The following NOD2 variants were observed in gnomAD, a reference collection of about 807,000 sequenced individuals.
NOD2 encodes nucleotide-binding oligomerization domain-containing protein 2.
In NOD2, 86 loss-of-function variants were observed where a neutral mutation model predicts 90.9. The observed-to-expected ratio is 0.95, with a 90% CI of 0.79 to 1.13. The LOEUF is 1.13. Ranked by LOEUF, NOD2 falls within the 50% of genes most tolerant of loss-of-function variation. The pLI is 0.00. For missense variants in NOD2, 1,238 were observed against 1,283.8 expected (o/e 0.96, Z 0.55); for synonymous variants, 581 against 554.6 (o/e 1.05, Z -0.67).
rs1283225496 is a variant in NOD2 at position 50,719,928 on chromosome 16, G to A, written c.2553G>A (p.Leu851=). 5 of 1,613,970 alleles carry A rather than the reference G, an allele frequency of 3.1e-6. No homozygotes were observed. The African/African-American group carries it at 4.0e-5, about 13-fold the overall frequency. The change falls in exon 7 of 12, where the codon CTG becomes CTA. Residue 851 remains leucine, a synonymous_variant. Transcript: ENST00000647318. ...ACRQNFLALR[L]GNNYITAAGA... is the part of the protein sequence containing the mutation. ...CCTCCTCTGTCTTCCCTTCCAGGCT[G>A]GGGAATAACTACATCACTGCCGCGG...
chr16:50,699,751 G>A lies in NOD2; in HGVS notation c.256G>A (p.Asp86Asn), dbSNP rs104895468. ...CGCGGCTGCCCAAGAAGCCCAGGCC[G>A]ACAGCCAGTCCCCCAAGCTGCATGG... ...LIAAAQEAQADSQSPKLHGCW... is the reference protein window; with the variant it reads ...LIAAAQEAQANSQSPKLHGCW... The change falls in exon 2 of 12, where the codon GAC (aspartate) becomes AAC (asparagine). Residue 86 changes from aspartate to asparagine, a missense_variant. By Grantham distance (23) the Asp-to-Asn change is conservative. This residue lies in a region of NOD2 where 567 missense variants were observed against 577.3 expected (regional missense o/e 0.98). Transcript: ENST00000647318. The A allele has an allele frequency of 1.1e-5, 18 of 1,613,822 alleles. No individual in the cohort carries two copies. Among genetic ancestry groups the A allele is most frequent in the African/African-American group, 8.0e-5 (6 of 74,932 alleles).
rs375201229 is a variant in NOD2, at chr16:50,711,226, C to T, written c.1234C>T (p.Arg412Cys). The T allele has an allele frequency of 5.5e-5, 89 of 1,613,908 alleles. No homozygotes were observed. The highest frequency in any genetic ancestry group is 4.9e-4 in the Middle Eastern group (3 of 6,084). The change falls in exon 4 of 12, where the codon CGC (arginine) becomes TGC (cysteine). Residue 412 changes from arginine to cysteine, a missense_variant. Physicochemically the swap from Arg to Cys is radical, Grantham distance 180. Coordinates refer to ENST00000647318, the MANE Select transcript of NOD2 (RefSeq NM_001370466.1). The stretch of plus-strand genomic sequence containing the variant: ...GTCGGCGTTCCTCAGGAAGTACATC[C>T]GCACCGAGTTCAACCTCAAGGGCTT... ...AVSAFLRKYI[R>C]TEFNLKGFSE... is the part of the protein sequence containing the mutation.
chr16:50,727,572 G>A, intron 10 of NOD2: 1 of 287,856 alleles, frequency 3.5e-6, no homozygotes, highest in South Asian at 3.6e-5. Flanking sequence ...TCCTGGTTGT[G>A]GAAGCATTTT....
intron 10 of NOD2, among the ~76,000 whole-genome samples, chr16:50,725,892 C>T (rs1596908837): frequency 6.6e-6 from 1 of 152,218 alleles, no homozygotes; most frequent in East Asian, 1.9e-4. Flanking sequence ...GTGCAGAACA[C>T]ACATGGTCAC....
chr16:50,693,826 G>A (rs1963522467), intron 1 of NOD2, among the ~76,000 whole-genome samples, 164 bp downstream of exon 1: 1 of 152,138 alleles, frequency 6.6e-6, no homozygotes, highest in Non-Finnish European at 1.5e-5. Flanking sequence ...ATGTAGATGG[G>A]AAGTGAGACG....
Position 50,699,958 on chromosome 16 carries a change from A to T in NOD2, c.459+4A>T. On this transcript the variant is annotated splice_donor_region_variant and intron_variant, in intron 2 of 11. Transcript: ENST00000647318. ...GATCTTCACACCGTCCCAGAGGGTG[A>T]GGCACTCCTGGTGTGCATCACAGAG... The T allele has an allele frequency of 6.2e-7, 1 of 1,601,934 alleles. No individual in the cohort carries two copies. Among genetic ancestry groups the T allele is most frequent in the Non-Finnish European group, 8.5e-7 (1 of 1,178,036 alleles).
In NOD2 at chr16:50,731,998, G is replaced by A; in HGVS notation, c.*179G>A. The A allele has an allele frequency of 3.0e-6, 2 of 659,858 alleles. No homozygotes were observed. The highest frequency in any genetic ancestry group is 3.1e-5 in the South Asian group (2 of 64,034). The allele number at this position is 659,858 out of a possible 1,614,324, so 40.9% of individuals were successfully genotyped here. ...TATTCTGGCAGAGGAGGGAGCATCA[G>A]TGCCCTCCAGGATAGACTTTTCCCA... On this transcript the variant is annotated 3_prime_UTR_variant, in exon 12 of 12. Coordinates refer to ENST00000647318, the MANE Select transcript of NOD2 (RefSeq NM_001370466.1).
At chr16:50,707,094 AT>A (rs1355641825) in intron 2 of NOD2, among the ~76,000 whole-genome samples, 45 of 152,192 alleles carry the variant, frequency 3.0e-4, no homozygotes, top group Admixed American at 2.8e-3. Context: ...GATTTCATCT[AT>A]TTCTTTTAAC....
intron 2 of NOD2, among the ~76,000 whole-genome samples, chr16:50,706,707 T>C (rs1297124249): frequency 6.6e-6 from 1 of 151,874 alleles, no homozygotes; most frequent in Non-Finnish European, 1.5e-5. Context: ...TCTTTTTTTT[T>C]TTTTTTTGAG....
intron 2 of NOD2, among the ~76,000 whole-genome samples, chr16:50,700,373 C>T (rs562836122): frequency 6.6e-6 from 1 of 152,200 alleles, no homozygotes; most frequent in Non-Finnish European, 1.5e-5. Context: ...ATCCTCCCGC[C>T]TTGGCCTCCC....
intron 4 of NOD2, among the ~76,000 whole-genome samples, chr16:50,715,374 G>C (rs937333511): frequency 1.3e-5 from 2 of 151,812 alleles, no homozygotes; most frequent in African/African-American, 4.8e-5. Context: ...TGCTCACAAG[G>C]CTTTATGTGC....
At chr16:50,700,121 C>T (rs1349137089) in intron 2 of NOD2, among the ~76,000 whole-genome samples, 167 bp downstream of exon 2, 1 of 152,112 alleles carries the variant, frequency 6.6e-6, no homozygotes, top group Non-Finnish European at 1.5e-5. Context: ...TGGCAGGAAA[C>T]GTACAACTCT....
At position 50,699,644 on chromosome 16, in the gene NOD2, T is replaced by C. The variant is rs750092643; in HGVS notation, c.149T>C (p.Leu50Pro). Residue 50 changes from leucine (L) to proline (P), a missense_variant, in exon 2 of 12, where the codon CTG (leucine) becomes CCG (proline). By Grantham distance (98) the Leu-to-Pro change is moderately conservative. Coordinates refer to ENST00000647318, the MANE Select transcript of NOD2 (RefSeq NM_001370466.1). ...SWEDYEGFHLLGQPLSHLARR... is the reference protein window; with the variant it reads ...SWEDYEGFHLPGQPLSHLARR... ...GAGGACTACGAGGGCTTCCACCTCC[T>C]GGGCCAGCCTCTCTCCCACTTGGCC... 1.2e-6 allele frequency: 2 copies of C among 1,614,090 alleles called. No homozygotes were observed. The highest frequency in any genetic ancestry group is 1.1e-5 in the South Asian group (1 of 91,082).
At chr16:50,725,445 A>G (rs774798185) in intron 9 of NOD2, 44 bp from the exon 10 acceptor site, 9 of 1,474,410 alleles carry the variant, frequency 6.1e-6, no homozygotes, top group Non-Finnish European at 6.6e-6. Flanking sequence ...CATCTTCCAT[A>G]ATCAATGTTG....
At chr16:50,710,003 G>T (rs1217055849) in intron 3 of NOD2, 1 of 456,048 alleles carries the variant, frequency 2.2e-6, no homozygotes, top group Non-Finnish European at 4.4e-6. Context: ...GTGGACCCAG[G>T]TTTTCAAACT....
Position 50,712,388 on chromosome 16 carries a change from G to T in NOD2, c.2381+15G>T. 1 of 1,612,872 alleles carries T rather than the reference G, an allele frequency of 6.2e-7. No homozygotes were observed. Among genetic ancestry groups the T allele is most frequent in the Non-Finnish European group, 8.5e-7 (1 of 1,180,022 alleles). On this transcript the variant is annotated intron_variant, in intron 4 of 11. Coordinates refer to ENST00000647318, the MANE Select transcript of NOD2 (RefSeq NM_001370466.1). ...AAGGCTCTGTAGTGAGTGTTACTGGGCATTGCTGTTCAGGTATGGGGGAGC... is the reference window on the plus strand; with the variant it reads ...AAGGCTCTGTAGTGAGTGTTACTGGTCATTGCTGTTCAGGTATGGGGGAGC...
intron 1 of NOD2, among the ~76,000 whole-genome samples, chr16:50,698,355 G>A (rs1010503959): frequency 3.3e-5 from 5 of 152,216 alleles, no homozygotes; most frequent in Non-Finnish European, 7.3e-5. Context: ...CGGTGGTTTC[G>A]AGGGCGTGGG....
At chr16:50,722,588 T>C (rs762694011) in intron 7 of NOD2, 34 bp from the exon 8 acceptor site, 9 of 1,595,322 alleles carry the variant, frequency 5.6e-6, no homozygotes, top group Non-Finnish European at 6.9e-6. Context: ...AGGTACTCAC[T>C]GACACTGTCT....
At chr16:50,723,535 T>C (rs1054612059) in intron 9 of NOD2, 151 bp downstream of exon 9, 5 of 727,288 alleles carry the variant, frequency 6.9e-6, no homozygotes, top group Non-Finnish European at 1.2e-5. Flanking sequence ...TTATATGTAC[T>C]GAGTGGTATG....
Sources: allele counts gnomAD v4.1 joint callset (sites outside exome capture counted in the v4.1 genomes callset), GRCh38; gene constraint gnomAD v4.1.1; regional missense constraint gnomAD v4.1.1; transcripts MANE v1.5; gene names NCBI Gene and HGNC (gene_info 2026-07-23, HGNC 2026-07-21).